Variants in NCOA6 observed in about 807,000 individuals in gnomAD.
The protein encoded by NCOA6 is NRC RAP250.
NCOA6 carries 49 observed loss-of-function variants against 171.4 expected under a neutral mutation model. The ratio of observed to expected loss-of-function variants is 0.29; its 90% CI spans 0.23 to 0.36. The LOEUF (loss-of-function observed/expected upper bound fraction) is 0.36. Ranked by LOEUF, NCOA6 falls within the 10% of genes least tolerant of loss-of-function variation. NCOA6 has a pLI of 1.00. For missense variants in NCOA6, 2,248 were observed against 2,554.5 expected, an observed-to-expected ratio of 0.88 and a Z score of 2.59; for synonymous variants, 910 against 927.5, an observed-to-expected ratio of 0.98 and a Z score of 0.34.
intron 5 of NCOA6, among the ~76,000 whole-genome samples, chr20:34,765,691 T>A (rs1220500964): frequency 6.6e-6 from 1 of 152,164 alleles, no homozygotes; most frequent in Non-Finnish European, 1.5e-5. Context: ...TACTGGCATC[T>A]GGTGGGTAGA....
At chr20:34,758,341 T>C (rs2076715198) in intron 6 of NCOA6, among the ~76,000 whole-genome samples, 1 of 152,230 alleles carries the variant, frequency 6.6e-6, no homozygotes, top group Admixed American at 6.5e-5. Flanking sequence ...GAGACCAGTA[T>C]TTACCAAATC....
chr20:34,746,128 C>T (rs576442804), intron 10 of NCOA6, among the ~76,000 whole-genome samples: 3 of 152,080 alleles, frequency 2.0e-5, no homozygotes, highest in Admixed American at 1.3e-4. Context: ...CAGGAAGAAA[C>T]GCTGCAGGAA....
rs752160311 is a variant in NCOA6 at position 34,776,277 on chromosome 20, T to C, written c.391+16A>G. On this transcript the variant is annotated intron_variant, in intron 4 of 14. Coordinates refer to ENST00000359003, the MANE Select transcript of NCOA6 (RefSeq NM_014071.5). The stretch of plus-strand genomic sequence containing the variant: ...AATGATTCTGGTCTAGATGGGCACA[T>C]GGCAAAGTAAAAGACCTTCAATCTG... 1 of 1,611,888 alleles carries C rather than the reference T, an allele frequency of 6.2e-7. No individual in the cohort carries two copies. The highest frequency in any genetic ancestry group is 1.3e-5 in the African/African-American group (1 of 74,928).
At chr20:34,766,445 T>C (rs1181823629) in intron 5 of NCOA6, among the ~76,000 whole-genome samples, 1 of 151,942 alleles carries the variant, frequency 6.6e-6, no homozygotes, top group African/African-American at 2.4e-5. Flanking sequence ...CAAAACCCTG[T>C]CTCTACAAAA....
intron 6 of NCOA6, 71 bp downstream of exon 6, chr20:34,758,734 A>G (rs2076726568): frequency 6.5e-7 from 1 of 1,544,778 alleles, no homozygotes; most frequent in East Asian, 2.3e-5. Context: ...AGCATCAGAG[A>G]TAACTGAATT....
chr20:34,766,691 A>G (rs1342358390), intron 5 of NCOA6, among the ~76,000 whole-genome samples: 1 of 152,216 alleles, frequency 6.6e-6, no homozygotes, highest in African/African-American at 2.4e-5. Context: ...TAACATTTTA[A>G]GCCTAGAAGG....
intron 5 of NCOA6, among the ~76,000 whole-genome samples, chr20:34,767,342 G>A (rs2077009789): frequency 6.6e-6 from 1 of 152,024 alleles, no homozygotes; most frequent in Non-Finnish European, 1.5e-5. Context: ...TGTTGCCCAG[G>A]CTGGAGTGCA....
intron 11 of NCOA6, among the ~76,000 whole-genome samples, chr20:34,737,045 G>T (rs974197535): frequency 6.6e-6 from 1 of 152,054 alleles, no homozygotes; most frequent in Non-Finnish European, 1.5e-5. Flanking sequence ...CACATTTTCT[G>T]CTTCTTGGGG....
chr20:34,757,572 C>G lies in NCOA6; in HGVS notation c.1176G>C (p.Gln392His), dbSNP rs1046675282. The stretch of plus-strand genomic sequence containing the variant: ...CTGTGAACTGGCCTGGGTTGCTCAT[C>G]TGAGGAAAGTTTGTGTGGGCTTGTG... ...QASQAHTNFP[Q>H]MSNPGQFTAP... Residue 392 changes from glutamine to histidine, a missense_variant, in exon 7 of 15, where the codon CAG becomes CAC. Physicochemically the swap from Gln to His is conservative, Grantham distance 24 (BLOSUM62 0). Coordinates refer to ENST00000359003, the MANE Select transcript of NCOA6 (RefSeq NM_014071.5). 2.5e-6 allele frequency: 4 copies of G among 1,613,760 alleles called. No homozygotes were observed. The African/African-American group carries it at 5.3e-5, about 22-fold the overall frequency.
At chr20:34,759,940 T>C (rs1289300912) in intron 5 of NCOA6, among the ~76,000 whole-genome samples, 3 of 152,138 alleles carry the variant, frequency 2.0e-5, no homozygotes, top group Non-Finnish European at 2.9e-5. Flanking sequence ...TATCTGAAAA[T>C]TTCTGATACT....
At chr20:34,730,737 G>C (rs1057290161) in intron 13 of NCOA6, among the ~76,000 whole-genome samples, 12 of 129,500 alleles carry the variant, frequency 9.3e-5, no homozygotes, top group Non-Finnish European at 9.5e-5. Context: ...TTTTAAGATA[G>C]AGTCTTACTC....
At chr20:34,750,736 G>C (rs1033399123) in intron 8 of NCOA6, among the ~76,000 whole-genome samples, 1 of 152,002 alleles carries the variant, frequency 6.6e-6, no homozygotes, top group Admixed American at 6.6e-5. Context: ...TAATAGAGAA[G>C]GAGAAACAGT....
intron 1 of NCOA6, among the ~76,000 whole-genome samples, chr20:34,821,830 G>A (rs190548745): frequency 4.8e-4 from 73 of 152,076 alleles, no homozygotes; most frequent in South Asian, 2.9e-3. Context: ...CTCGTGATCC[G>A]CCCGCCTCGG....
Position 34,808,436 on chromosome 20 carries a change from C to CTT in NCOA6, c.-163-15875_-163-15874dup, listed in dbSNP as rs957085400. Among the ~76,000 whole-genome samples the CTT allele has an allele frequency of 5.7e-4, 71 of 125,458 alleles. 1 individual carries two copies. The highest frequency in any genetic ancestry group is 8.4e-4 in the African/African-American group (28 of 33,324). 82.3% of individuals were successfully genotyped at this position (125,458 alleles called of 152,430 possible). A position where few individuals can be genotyped will look rare whatever the true frequency, so the allele number is the denominator to read the frequency against. ...GCAGTGGTTCCCAAACTTGTCTGTG[C>CTT]TTTTTTTTTTTTTTTTTTTGAGTCG... On this transcript the variant is annotated intron_variant, in intron 1 of 14. Coordinates refer to ENST00000359003, the MANE Select transcript of NCOA6 (RefSeq NM_014071.5).
At position 34,759,031 on chromosome 20, in the gene NCOA6, T is replaced by G. The variant is rs191714978; in HGVS notation, c.515-98A>C. On this transcript the variant is annotated intron_variant, in intron 5 of 14. Transcript: ENST00000359003. ...ATATGAAAAGATATGGAAAATTTGT[T>G]TTTTTTTTTTTGACAGGGTCTCGCT... The G allele has an allele frequency of 2.9e-3, 2,893 of 997,230 alleles. 4 individuals carry two copies. Among genetic ancestry groups the G allele is most frequent in the Non-Finnish European group, 3.6e-3 (2,669 of 748,350 alleles). The allele number at this position is 997,230 out of a possible 1,614,324, so 61.8% of individuals were successfully genotyped here.
intron 5 of NCOA6, among the ~76,000 whole-genome samples, chr20:34,766,181 C>T (rs1568810592): frequency 6.6e-6 from 1 of 152,162 alleles, no homozygotes; most frequent in Non-Finnish European, 1.5e-5. Context: ...GTTACTGTTA[C>T]TACAGGTCAT....
chr20:34,818,284 T>C (rs999104433), intron 1 of NCOA6, among the ~76,000 whole-genome samples: 1 of 152,052 alleles, frequency 6.6e-6, no homozygotes, highest in Non-Finnish European at 1.5e-5. Context: ...AGCCCAGGAA[T>C]TAAAGACTGC....
chr20:34,777,327 G>A (rs376133454), intron 3 of NCOA6, among the ~76,000 whole-genome samples: 7 of 151,752 alleles, frequency 4.6e-5, no homozygotes, highest in African/African-American at 9.7e-5. Context: ...TAGAACCTGC[G>A]GGGCACGGTG....
At chr20:34,795,113 A>C (rs760910516) in intron 1 of NCOA6, among the ~76,000 whole-genome samples, 81 of 152,196 alleles carry the variant, frequency 5.3e-4, no homozygotes, top group Non-Finnish European at 1.0e-3. Context: ...GCAAAGAAAG[A>C]ATTTCAAAAT....
Sources: gnomAD v4.1 joint callset for allele counts (sites outside exome capture counted in the v4.1 genomes callset) on GRCh38, gnomAD v4.1.1 for gene constraint, MANE v1.5 for transcripts, NCBI Gene and HGNC (gene_info 2026-07-23, HGNC 2026-07-21) for gene names.